KCTD20: variants seen among roughly 807,000 people sequenced by gnomAD.
The protein encoded by KCTD20 is potassium channel tetramerization domain containing 20.
In KCTD20, 30 loss-of-function variants were observed where a neutral mutation model predicts 39.6. The ratio of observed to expected loss-of-function variants is 0.76; its 90% CI spans 0.57 to 1.03. The LOEUF (loss-of-function observed/expected upper bound fraction) is 1.03, where lower values mean the gene tolerates loss of function less well. KCTD20 is among the 50% of genes least tolerant of loss of function. The pLI is 0.00. For missense variants in KCTD20, 422 were observed against 522.0 expected (o/e 0.81, Z 1.87); for synonymous variants, 162 against 180.6 (o/e 0.90, Z 0.83).
chr6:36,460,023 C>A (rs543747831), intron 1 of KCTD20, among the ~76,000 whole-genome samples: 2 of 152,260 alleles, frequency 1.3e-5, no homozygotes, highest in South Asian at 2.1e-4. Flanking sequence ...ACAGCCTATG[C>A]AGTTGTTCCT....
intron 2 of KCTD20, among the ~76,000 whole-genome samples, chr6:36,474,268 C>G (rs1200708147): frequency 1.4e-5 from 2 of 139,240 alleles, no homozygotes; most frequent in Non-Finnish European, 3.0e-5. Flanking sequence ...TATTCCCCTT[C>G]CTAAAATTTT....
At chr6:36,464,683 C>G (rs1775691408) in intron 1 of KCTD20, among the ~76,000 whole-genome samples, 3 of 151,960 alleles carry the variant, frequency 2.0e-5, no homozygotes, top group Non-Finnish European at 4.4e-5. Context: ...TTATGTGCAG[C>G]AAAACAGAAA....
Position 36,474,791 on chromosome 6 carries a change from C to G in KCTD20, c.163C>G (p.Leu55Val). The G allele has an allele frequency of 6.3e-7, 1 of 1,599,284 alleles. No homozygotes were observed. ...GGTTTCTTTGTATGTTCTTTTAGAC[C>G]TCTCACTTGACTATGCCTCTCAGCC... is the stretch of plus-strand genomic sequence containing the variant. The part of the protein sequence containing the change: ...TYPLGPRNED[L>V]SLDYASQPAN... Residue 55 changes from leucine to valine, a missense_variant and splice_region_variant, in exon 3 of 8, where the codon CTC becomes GTC. Transcript: ENST00000373731.
At chr6:36,484,690 A>C in intron 6 of KCTD20, 24 bp from the exon 7 acceptor site, 1 of 1,140,636 alleles carries the variant, frequency 8.8e-7, no homozygotes, top group Non-Finnish European at 1.3e-6. Context: ...CTCCATGGCT[A>C]ACCCTATATT....
intron 1 of KCTD20, among the ~76,000 whole-genome samples, chr6:36,455,090 T>G (rs1775391562): frequency 6.6e-6 from 1 of 152,162 alleles, no homozygotes; most frequent in Non-Finnish European, 1.5e-5. Context: ...AGCATCTTGA[T>G]GCTGACAAAA....
rs1775838897 is a variant in KCTD20, at chr6:36,469,029, T to G, written c.-46-1023T>G. Reference sequence around the variant, plus strand: ...CATTACAGATATTATGTTTATTTTTTATAGATGTTTATTGGCACCTACCAC... The same window carrying G: ...CATTACAGATATTATGTTTATTTTTGATAGATGTTTATTGGCACCTACCAC... On this transcript the variant is annotated intron_variant, in intron 1 of 7. Coordinates refer to ENST00000373731, the MANE Select transcript of KCTD20 (RefSeq NM_173562.5). The surrounding 1 kb of genome is among the most constrained non-coding windows in gnomAD (Gnocchi z 4.6). Among the ~76,000 whole-genome samples, 1 of 152,230 alleles carries G rather than the reference T, an allele frequency of 6.6e-6. No individual in the cohort carries two copies. The highest frequency in any genetic ancestry group is 1.5e-5 in the Non-Finnish European group (1 of 68,044).
rs374235057 is a variant in KCTD20, at chr6:36,444,194, C to A, written c.-47+1083C>A. Among the ~76,000 whole-genome samples the A allele has an allele frequency of 3.9e-5, 6 of 152,292 alleles. No individual in the cohort carries two copies. The East Asian group carries it at 1.2e-3, about 29-fold the overall frequency. ...TCTGGGATTTAAGCAAGCACCTGCACTCTTGGTCTGTTACTGATGATCCAG... is the reference window on the plus strand; with the variant it reads ...TCTGGGATTTAAGCAAGCACCTGCAATCTTGGTCTGTTACTGATGATCCAG... On this transcript the variant is annotated intron_variant, in intron 1 of 7. Transcript: ENST00000373731.
At chr6:36,470,444 T>C (rs1775878379) in intron 2 of KCTD20, among the ~76,000 whole-genome samples, 187 bp downstream of exon 2, 1 of 152,196 alleles carries the variant, frequency 6.6e-6, no homozygotes, top group Non-Finnish European at 1.5e-5. Context: ...CTAGCACATC[T>C]AATATGGTGA....
At chr6:36,483,035 T>C (rs915792838) in intron 6 of KCTD20, among the ~76,000 whole-genome samples, 3 of 149,650 alleles carry the variant, frequency 2.0e-5, no homozygotes, top group Admixed American at 6.7e-5. Flanking sequence ...AGGAGAATCA[T>C]TTGAACCCAG....
chr6:36,469,440 T>TAACATCTTTA lies in KCTD20; in HGVS notation c.-46-612_-46-611insAACATCTTTA, dbSNP rs1775849215. Among the ~76,000 whole-genome samples the TAACATCTTTA allele has an allele frequency of 6.6e-6, 1 of 152,144 alleles. No homozygotes were observed. Among genetic ancestry groups the TAACATCTTTA allele is most frequent in the Non-Finnish European group, 1.5e-5 (1 of 68,026 alleles). ...CTGCACTGCTTTCGAGAGAGATGAATGACATGATTAGCTTTATAGCCAGTG... is the reference window on the plus strand; with the variant it reads ...CTGCACTGCTTTCGAGAGAGATGAATAACATCTTTAGACATGATTAGCTTTATAGCCAGTG... On this transcript the variant is annotated intron_variant, in intron 1 of 7. Transcript: ENST00000373731. The surrounding 1 kb of genome is among the most constrained non-coding windows in gnomAD (Gnocchi z 4.6).
chr6:36,489,742 C>T lies in KCTD20; in HGVS notation c.*2567C>T, dbSNP rs1039887117. 2 of 152,138 alleles carry T rather than the reference C, an allele frequency of 1.3e-5. No individual in the cohort carries two copies. The highest frequency in any genetic ancestry group is 4.8e-5 in the African/African-American group (2 of 41,428). 9.4% of individuals were successfully genotyped at this position (152,138 alleles called of 1,614,324 possible). A position where few individuals can be genotyped will look rare whatever the true frequency, so the allele number is the denominator to read the frequency against. On this transcript the variant is annotated 3_prime_UTR_variant, in exon 8 of 8. Transcript: ENST00000373731. ...GGGTTTGGTGTTTTCTTCTAAGTGCCTAAATAAGCAAGCCAGGCTGTTGAT... is the reference window on the plus strand; with the variant it reads ...GGGTTTGGTGTTTTCTTCTAAGTGCTTAAATAAGCAAGCCAGGCTGTTGAT...
Position 36,479,685 on chromosome 6 carries a change from T to G in KCTD20, c.632T>G (p.Phe211Cys), listed in dbSNP as rs1409577100. 6.2e-7 allele frequency: 1 copy of G among 1,609,932 alleles called. No individual in the cohort carries two copies. The highest frequency in any genetic ancestry group is 1.7e-5 in the Admixed American group (1 of 59,958). Residue 211 changes from phenylalanine (F) to cysteine (C), a missense_variant, in exon 5 of 8, where the codon TTC (phenylalanine) becomes TGC (cysteine). Transcript: ENST00000373731. ...GATTATCTCTGCATTAATTTTGACT[T>G]CAACACTATCCGATGTCAAGATCTG... is the stretch of plus-strand genomic sequence containing the variant. The part of the protein sequence containing the change: ...TCDYLCINFD[F>C]NTIRCQDLSA...
At chr6:36,472,550 T>TC (rs1775943817) in intron 2 of KCTD20, among the ~76,000 whole-genome samples, 1 of 151,934 alleles carries the variant, frequency 6.6e-6, no homozygotes, top group Admixed American at 6.5e-5. Flanking sequence ...TTTTTTTTTT[T>TC]CAAAAAGGGC....
chr6:36,450,346 G>A (rs1392782616), intron 1 of KCTD20, among the ~76,000 whole-genome samples: 1 of 151,602 alleles, frequency 6.6e-6, no homozygotes, highest in African/African-American at 2.4e-5. Flanking sequence ...AAATTAGCTG[G>A]GCACGATGGC....
chr6:36,465,376 AGTTTTTTTTT>A (rs1216239318), intron 1 of KCTD20, among the ~76,000 whole-genome samples: 3 of 147,412 alleles, frequency 2.0e-5, no homozygotes, highest in Non-Finnish European at 4.5e-5. Context: ...CATTCCAATT[AGTTTTTTTTT>A]GTTTTTTTTT....
At chr6:36,470,608 A>T (rs941974) in intron 2 of KCTD20, among the ~76,000 whole-genome samples, 8,835 of 151,686 alleles carry the variant, frequency 0.058, 590 homozygotes, top group Admixed American at 0.17. Context: ...TTTTATTTTT[A>T]TTTTTATTTT....
chr6:36,464,241 G>T (rs976581519), intron 1 of KCTD20, among the ~76,000 whole-genome samples: 4 of 152,174 alleles, frequency 2.6e-5, no homozygotes, highest in Non-Finnish European at 4.4e-5. Flanking sequence ...ATTTCAATGT[G>T]AAGGAAAAGA....
At chr6:36,454,362 G>A (rs539332671) in intron 1 of KCTD20, among the ~76,000 whole-genome samples, 32 of 141,786 alleles carry the variant, frequency 2.3e-4, no homozygotes, top group African/African-American at 6.8e-4. Flanking sequence ...TTTTTTTTGA[G>A]ATGGAGTCTC....
intron 3 of KCTD20, among the ~76,000 whole-genome samples, chr6:36,477,415 CA>C (rs2127450319): frequency 6.6e-6 from 1 of 151,902 alleles, no homozygotes; most frequent in African/African-American, 2.4e-5. Flanking sequence ...AGGCTTTTAT[CA>C]AGATGGAATT....
Sources: allele counts gnomAD v4.1 joint callset (sites outside exome capture counted in the v4.1 genomes callset), GRCh38; gene constraint gnomAD v4.1.1; non-coding constraint Gnocchi (gnomAD v3.1); transcripts MANE v1.5; gene names NCBI Gene and HGNC (gene_info 2026-07-23, HGNC 2026-07-21).